The following FAM3B variants were observed in gnomAD, a reference collection of about 807,000 sequenced individuals.
The protein encoded by FAM3B is protein FAM3B.
A neutral mutation model predicts 28.4 loss-of-function variants in FAM3B; 29 were observed. The ratio of observed to expected loss-of-function variants is 1.02; its 90% CI spans 0.76 to 1.39. The LOEUF (loss-of-function observed/expected upper bound fraction) is 1.39, where lower values mean the gene tolerates loss of function less well. FAM3B is among the 40% of genes most tolerant of loss of function. FAM3B has a pLI of 0.00. For synonymous variants in FAM3B, 91 were observed against 103.0 expected, an observed-to-expected ratio of 0.88 and a Z score of 0.71; for missense variants, 266 against 293.9, an observed-to-expected ratio of 0.91 and a Z score of 0.69.
At chr21:41,304,990 A>T (rs928300) in intron 1 of FAM3B, among the ~76,000 whole-genome samples, 4,631 of 152,220 alleles carry the variant, frequency 0.03, 115 homozygotes, top group Middle Eastern at 0.15. Context: ...CCAGGGAGAG[A>T]TTGGAACTGA....
chr21:41,343,525 C>T (rs2089025781), intron 3 of FAM3B, among the ~76,000 whole-genome samples: 1 of 152,126 alleles, frequency 6.6e-6, no homozygotes, highest in Non-Finnish European at 1.5e-5. Flanking sequence ...AGCACTAAGC[C>T]TAGAAAACTC....
intron 2 of FAM3B, among the ~76,000 whole-genome samples, chr21:41,338,127 T>C (rs1448263639): frequency 2.6e-5 from 4 of 152,050 alleles, no homozygotes; most frequent in African/African-American, 4.8e-5. Flanking sequence ...CCAGCCCTTA[T>C]GAAATTGTTA....
At chr21:41,325,872 TG>T (rs1339451359) in intron 2 of FAM3B, among the ~76,000 whole-genome samples, 2 of 152,168 alleles carry the variant, frequency 1.3e-5, no homozygotes, top group Non-Finnish European at 2.9e-5. Context: ...CTTTCAGAGC[TG>T]GGTGAAGCAG....
At chr21:41,334,820 C>T (rs1323207318) in intron 2 of FAM3B, among the ~76,000 whole-genome samples, 6 of 152,242 alleles carry the variant, frequency 3.9e-5, no homozygotes, top group African/African-American at 1.4e-4. Flanking sequence ...GGAAAAGCCA[C>T]AGAAACTTAA....
intron 7 of FAM3B, among the ~76,000 whole-genome samples, chr21:41,354,377 C>T (rs2089146990): frequency 6.6e-6 from 1 of 152,194 alleles, no homozygotes; most frequent in Admixed American, 6.5e-5. Flanking sequence ...GACACGTACT[C>T]ACATATGTTC....
rs2088753596 is a variant in FAM3B, at chr21:41,316,847, C to G, written c.-33C>G. 1 of 1,436,932 alleles carries G rather than the reference C, an allele frequency of 7.0e-7. No homozygotes were observed. The allele number at this position is 1,436,932 out of a possible 1,614,324, so 89.0% of individuals were successfully genotyped here. On this transcript the variant is annotated 5_prime_UTR_variant, in exon 1 of 8. Coordinates refer to ENST00000357985, the MANE Select transcript of FAM3B (RefSeq NM_058186.4). Reference sequence around the variant, plus strand: ...CTGGCTGCGGTCGCCTGGGAGCTGCCGCCAGGGCCAGGAGGGGAGCGGCAC... The same window carrying G: ...CTGGCTGCGGTCGCCTGGGAGCTGCGGCCAGGGCCAGGAGGGGAGCGGCAC...
intron 3 of FAM3B, among the ~76,000 whole-genome samples, chr21:41,339,400 A>C (rs969952233): frequency 5.3e-5 from 8 of 152,166 alleles, no homozygotes; most frequent in African/African-American, 1.9e-4. Flanking sequence ...CTAAAGAGAG[A>C]GTTCCTTAAT....
intron 1 of FAM3B, chr21:41,319,781 C>G (rs545219423): frequency 1.3e-5 from 2 of 152,338 alleles, no homozygotes; most frequent in African/African-American, 4.8e-5. Context: ...ACAGCTCGCC[C>G]GGTGCTATGT....
intron 2 of FAM3B, among the ~76,000 whole-genome samples, chr21:41,329,973 A>G (rs1033215409): frequency 7.9e-5 from 12 of 152,290 alleles, no homozygotes; most frequent in African/African-American, 2.9e-4. Flanking sequence ...ATACAGTAAG[A>G]TATTTTGAGA....
intron 7 of FAM3B, among the ~76,000 whole-genome samples, chr21:41,352,796 A>AAAAT (rs1555873398): frequency 2.0e-3 from 54 of 27,610 alleles, no homozygotes; most frequent in South Asian, 8.8e-3. Flanking sequence ...CTCCATCTCA[A>AAAAT]AAATAAATAA....
At chr21:41,307,597 T>C (rs1367687366) in intron 1 of FAM3B, among the ~76,000 whole-genome samples, 1 of 152,234 alleles carries the variant, frequency 6.6e-6, no homozygotes, top group Admixed American at 6.5e-5. Flanking sequence ...GAAATATGTG[T>C]GACTGTTTCA....
At chr21:41,305,015 G>C (rs1160024168) in intron 1 of FAM3B, among the ~76,000 whole-genome samples, 1 of 152,148 alleles carries the variant, frequency 6.6e-6, no homozygotes, top group African/African-American at 2.4e-5. Flanking sequence ...ATGACGTGTG[G>C]AACCTTGTGA....
intron 2 of FAM3B, among the ~76,000 whole-genome samples, chr21:41,335,028 G>A (rs1316808318): frequency 6.6e-6 from 1 of 152,182 alleles, no homozygotes; most frequent in Non-Finnish European, 1.5e-5. Context: ...GGGGCCTGTA[G>A]CCTCTTTCTT....
At chr21:41,338,992 G>C (rs1234459558) in intron 3 of FAM3B, among the ~76,000 whole-genome samples, 2 of 152,210 alleles carry the variant, frequency 1.3e-5, no homozygotes, top group Non-Finnish European at 2.9e-5. Context: ...TCAAAGTCAT[G>C]GGAACATGAA....
At chr21:41,309,704 A>G (rs903232880) in intron 1 of FAM3B, among the ~76,000 whole-genome samples, 10 of 152,252 alleles carry the variant, frequency 6.6e-5, no homozygotes, top group African/African-American at 2.4e-4. Context: ...AGTTTGCAGC[A>G]GCTTTACCGG....
At chr21:41,330,949 A>C (rs1396142597) in intron 2 of FAM3B, among the ~76,000 whole-genome samples, 1 of 152,234 alleles carries the variant, frequency 6.6e-6, no homozygotes, top group Non-Finnish European at 1.5e-5. Context: ...TATCCTTTGG[A>C]TATATGCTCA....
At position 41,326,675 on chromosome 21, in the gene FAM3B, C is replaced by T. The variant is rs2088857301; in HGVS notation, c.163+3609C>T. 6.6e-6 allele frequency among the ~76,000 whole-genome samples: 1 copy of T among 152,226 alleles called. No homozygotes were observed. The highest frequency in any genetic ancestry group is 1.5e-5 in the Non-Finnish European group (1 of 68,036). ...GGGGAAGTCCCTGGGGAGAGCATCCCTATGGGACCCCCACAATGGCCCCGC... is the reference window on the plus strand; with the variant it reads ...GGGGAAGTCCCTGGGGAGAGCATCCTTATGGGACCCCCACAATGGCCCCGC... On this transcript the variant is annotated intron_variant, in intron 2 of 7. Transcript: ENST00000357985. The surrounding 1 kb of genome is among the most constrained non-coding windows in gnomAD (Gnocchi z 4.0).
intron 2 of FAM3B, among the ~76,000 whole-genome samples, chr21:41,336,127 C>T (rs898824719): frequency 6.6e-6 from 1 of 152,154 alleles, no homozygotes. Flanking sequence ...CCGTTTCCAC[C>T]ATGTCAGGAC....
chr21:41,352,104 C>T (rs1193306501), intron 7 of FAM3B, among the ~76,000 whole-genome samples: 4 of 152,234 alleles, frequency 2.6e-5, no homozygotes. Flanking sequence ...CTAACTGGAG[C>T]ACAGACCCTT....
Sources: allele counts gnomAD v4.1 joint callset (sites outside exome capture counted in the v4.1 genomes callset), GRCh38; gene constraint gnomAD v4.1.1; non-coding constraint Gnocchi (gnomAD v3.1); transcripts MANE v1.5; gene names NCBI Gene and HGNC (gene_info 2026-07-23, HGNC 2026-07-21).